The following COL26A1 variants were observed in gnomAD, a reference collection of about 807,000 sequenced individuals.
The protein encoded by COL26A1 is collagen type XXVI alpha 1 chain, also known as collagen alpha-1(XXVI) chain.
A neutral mutation model predicts 59.3 loss-of-function variants in COL26A1; 41 were observed. The ratio of observed to expected loss-of-function variants is 0.69; its 90% CI spans 0.54 to 0.90. The LOEUF (loss-of-function observed/expected upper bound fraction) is 0.90. Ranked by LOEUF, COL26A1 falls within the 40% of genes least tolerant of loss-of-function variation. The pLI is 0.00. For missense variants in COL26A1, 612 were observed against 602.3 expected (o/e 1.02, Z -0.17); for synonymous variants, 266 against 256.0 (o/e 1.04, Z -0.37).
chr7:101,531,794 A>G (rs941956055), intron 3 of COL26A1, among the ~76,000 whole-genome samples: 2 of 151,736 alleles, frequency 1.3e-5, no homozygotes, highest in Non-Finnish European at 2.9e-5. Context: ...TTTTAAGGAC[A>G]GGGAACATTT....
chr7:101,547,529 G>A (rs1236863901), intron 8 of COL26A1, among the ~76,000 whole-genome samples: 1 of 152,242 alleles, frequency 6.6e-6, no homozygotes, highest in Non-Finnish European at 1.5e-5. Flanking sequence ...ACCAGTGGGG[G>A]ATGGGGTCAG....
rs1796013712 is a variant in COL26A1, at chr7:101,557,671, C to T, written c.*141C>T. ...GTGAGGACATGGGGGGCTTTGGGGA[C>T]AGATAATGTCTCCAGGGGCAGGGTC... On this transcript the variant is annotated 3_prime_UTR_variant, in exon 13 of 13. Coordinates refer to ENST00000313669, the MANE Select transcript of COL26A1 (RefSeq NM_001278563.3). The T allele has an allele frequency of 3.5e-6, 3 of 845,358 alleles. No individual in the cohort carries two copies. The highest frequency in any genetic ancestry group is 3.4e-5 in the African/African-American group (2 of 58,720). The allele number at this position is 845,358 out of a possible 1,614,324, so 52.4% of individuals were successfully genotyped here.
At chr7:101,435,045 T>C (rs1182597815) in intron 2 of COL26A1, among the ~76,000 whole-genome samples, 1 of 152,034 alleles carries the variant, frequency 6.6e-6, no homozygotes, top group Non-Finnish European at 1.5e-5. Flanking sequence ...CTGTTCAGGG[T>C]TGGGCGTGGT....
intron 3 of COL26A1, among the ~76,000 whole-genome samples, chr7:101,475,356 G>A (rs1025399952): frequency 6.6e-6 from 1 of 152,066 alleles, no homozygotes; most frequent in Non-Finnish European, 1.5e-5. Context: ...CTACTTTAGA[G>A]GAAAGTCAGA....
At chr7:101,489,680 C>CTGTCTTTCTTTCTTTTT (rs1563007460) in intron 3 of COL26A1, among the ~76,000 whole-genome samples, 1 of 21,368 alleles carries the variant, frequency 4.7e-5, no homozygotes, top group Non-Finnish European at 8.4e-5. Flanking sequence ...TTCCTTCCTT[C>CTGTCTTTCTTTCTTTTT]CTTTCTTTCT....
chr7:101,551,216 G>GC, intron 10 of COL26A1, 73 bp downstream of exon 10: 2 of 1,216,570 alleles, frequency 1.6e-6, no homozygotes, highest in Non-Finnish European at 2.3e-6. Context: ...AGGGCACTGG[G>GC]TGGCGGGGGT....
At chr7:101,489,668 C>CTTTCT in intron 3 of COL26A1, among the ~76,000 whole-genome samples, 1 of 26,756 alleles carries the variant, frequency 3.7e-5, no homozygotes, top group Non-Finnish European at 6.5e-5. Flanking sequence ...TTTCTTCCTT[C>CTTTCT]CTTCCTTCCT....
intron 3 of COL26A1, among the ~76,000 whole-genome samples, chr7:101,492,703 T>A (rs1377179531): frequency 1.0e-3 from 29 of 27,726 alleles, no homozygotes; most frequent in Non-Finnish European, 1.5e-3. Context: ...TCTCAAAAAA[T>A]AAATAAATAA....
chr7:101,366,904 C>T (rs1354684468), intron 1 of COL26A1, among the ~76,000 whole-genome samples: 1 of 152,102 alleles, frequency 6.6e-6, no homozygotes, highest in African/African-American at 2.4e-5. Context: ...GAAAGTCTTC[C>T]CCCTTTGAGA....
chr7:101,400,239 G>A (rs550704728), intron 1 of COL26A1, among the ~76,000 whole-genome samples: 4 of 152,286 alleles, frequency 2.6e-5, no homozygotes, highest in Admixed American at 2.6e-4. Flanking sequence ...TCAGCCTAGG[G>A]CTCAGGGGTT....
At chr7:101,410,098 G>T (rs1358791814) in intron 1 of COL26A1, among the ~76,000 whole-genome samples, 1 of 152,036 alleles carries the variant, frequency 6.6e-6, no homozygotes, top group East Asian at 1.9e-4. Context: ...GTGGGCAGGG[G>T]GCTAGGGAAT....
intron 3 of COL26A1, among the ~76,000 whole-genome samples, chr7:101,470,844 A>C (rs1254593013): frequency 6.6e-6 from 1 of 151,796 alleles, no homozygotes; most frequent in Middle Eastern, 3.2e-3. Context: ...GAAAGTTCCC[A>C]CCCTCTAGTC....
At chr7:101,434,865 G>T (rs998299597) in intron 2 of COL26A1, among the ~76,000 whole-genome samples, 1 of 151,324 alleles carries the variant, frequency 6.6e-6, no homozygotes, top group African/African-American at 2.4e-5. Context: ...GAGAGAACAC[G>T]ATCCTCTCCT....
At chr7:101,405,624 T>C (rs1239637822) in intron 1 of COL26A1, among the ~76,000 whole-genome samples, 2 of 152,166 alleles carry the variant, frequency 1.3e-5, no homozygotes, top group East Asian at 3.9e-4. Flanking sequence ...GCTGATCTTT[T>C]CTCACGTGGT....
At chr7:101,535,240 G>A (rs1266019107) in intron 4 of COL26A1, among the ~76,000 whole-genome samples, 3 of 152,176 alleles carry the variant, frequency 2.0e-5, no homozygotes, top group Non-Finnish European at 4.4e-5. Flanking sequence ...GGGCTGAGCC[G>A]GGGCCAGGAC....
At chr7:101,376,004 AAAG>A (rs1410511602) in intron 1 of COL26A1, among the ~76,000 whole-genome samples, 1 of 150,650 alleles carries the variant, frequency 6.6e-6, no homozygotes, top group Non-Finnish European at 1.5e-5. Context: ...AAAAAAAAAA[AAAG>A]AAAATTAGCC....
At chr7:101,517,465 G>A (rs919850772) in intron 3 of COL26A1, among the ~76,000 whole-genome samples, 5 of 152,160 alleles carry the variant, frequency 3.3e-5, no homozygotes, top group Non-Finnish European at 7.4e-5. Flanking sequence ...CTTGCCTTCC[G>A]CCATGATTGT....
intron 3 of COL26A1, among the ~76,000 whole-genome samples, chr7:101,452,954 G>A (rs779570540): frequency 2.0e-4 from 30 of 152,110 alleles, no homozygotes; most frequent in Middle Eastern, 6.8e-3. Flanking sequence ...TAGTAGAGAC[G>A]GAGTCTCACC....
At chr7:101,428,261 G>A (rs893952838) in intron 2 of COL26A1, among the ~76,000 whole-genome samples, 2 of 151,554 alleles carry the variant, frequency 1.3e-5, no homozygotes, top group Non-Finnish European at 2.9e-5. Context: ...GGAGGCTGAG[G>A]TGGGAGAATG....
Sources: gnomAD v4.1 joint callset for allele counts (sites outside exome capture counted in the v4.1 genomes callset) on GRCh38, gnomAD v4.1.1 for gene constraint, MANE v1.5 for transcripts, NCBI Gene and HGNC (gene_info 2026-07-23, HGNC 2026-07-21) for gene names.